Variants in HNRNPD observed in about 807,000 individuals in gnomAD.
The protein encoded by HNRNPD is heterogeneous nuclear ribonucleoprotein D.
In HNRNPD, 3 loss-of-function variants were observed where a neutral mutation model predicts 47.9. That is an observed-to-expected ratio of 0.06 (90% CI 0.03 to 0.16). The LOEUF (loss-of-function observed/expected upper bound fraction) is 0.16. Ranked by LOEUF, HNRNPD falls within the 10% of genes least tolerant of loss-of-function variation. HNRNPD has a pLI of 1.00. For missense variants in HNRNPD, 287 were observed against 454.2 expected (o/e 0.63, Z 3.35); for synonymous variants, 171 against 165.1 (o/e 1.04, Z -0.28).
chr4:82,367,026 CTTTTTTTTTTT>C, intron 2 of HNRNPD, among the ~76,000 whole-genome samples: 1 of 128,138 alleles, frequency 7.8e-6, no homozygotes, highest in South Asian at 2.5e-4. Context: ...ACACACTAGC[CTTTTTTTTTTT>C]TTTTTTTTTA....
rs975927182 is a variant in HNRNPD, at chr4:82,354,122, G to C, written c.*63C>G. ...CAGGTGGCAGGAGCCACCTTCAAAT[G>C]AATCTTCAAATTGGAAAATACTGCT... On this transcript the variant is annotated 3_prime_UTR_variant, in exon 9 of 9. Transcript: ENST00000313899. 1 of 152,624 alleles carries C rather than the reference G, an allele frequency of 6.6e-6. No individual in the cohort carries two copies. Among genetic ancestry groups the C allele is most frequent in the Non-Finnish European group, 1.5e-5 (1 of 68,040 alleles). The allele number at this position is 152,624 out of a possible 1,614,324, so 9.5% of individuals were successfully genotyped here. A position where few individuals can be genotyped will look rare whatever the true frequency, so the allele number is the denominator to read the frequency against.
chr4:82,357,554 G>T, intron 4 of HNRNPD, 110 bp from the exon 5 acceptor site: 1 of 868,926 alleles, frequency 1.2e-6, no homozygotes, highest in Non-Finnish European at 1.7e-6. Context: ...ATTTGGCACT[G>T]AAGTTCTAGT....
At chr4:82,359,448 G>C in intron 3 of HNRNPD, 23 bp downstream of exon 3, 5 of 1,454,030 alleles carry the variant, frequency 3.4e-6, no homozygotes, top group Non-Finnish European at 4.6e-6. Flanking sequence ...ATTATTAACT[G>C]ATCAGAACAC....
At chr4:82,373,401 G>A (rs577082693) in intron 1 of HNRNPD, 45 bp downstream of exon 1, 399 of 1,528,434 alleles carry the variant, frequency 2.6e-4, no homozygotes, top group Non-Finnish European at 3.2e-4. Context: ...AAGAGGGGGA[G>A]GGGGACTAGT....
intron 2 of HNRNPD, among the ~76,000 whole-genome samples, chr4:82,361,988 A>C (rs2109994173): frequency 6.6e-6 from 1 of 152,342 alleles, no homozygotes; most frequent in South Asian, 2.1e-4. Context: ...TAAGGAGCCA[A>C]GTATTATTCC....
At chr4:82,371,005 CT>C (rs1371691169) in intron 2 of HNRNPD, among the ~76,000 whole-genome samples, 20 of 151,754 alleles carry the variant, frequency 1.3e-4, no homozygotes, top group Admixed American at 2.6e-4. Flanking sequence ...CACACACACA[CT>C]TCTTATTAAA....
intron 2 of HNRNPD, among the ~76,000 whole-genome samples, chr4:82,368,128 T>C (rs1333852408): frequency 2.0e-5 from 3 of 152,184 alleles, no homozygotes; most frequent in Admixed American, 6.5e-5. Context: ...GGTACACAGC[T>C]TCCAAGTGGA....
intron 2 of HNRNPD, among the ~76,000 whole-genome samples, chr4:82,360,334 G>C (rs2109992626): frequency 6.6e-6 from 1 of 152,086 alleles, no homozygotes; most frequent in East Asian, 1.9e-4. Context: ...TGGGTGGTAA[G>C]CGGAAATCCA....
At chr4:82,361,049 A>C (rs944260140) in intron 2 of HNRNPD, among the ~76,000 whole-genome samples, 1 of 152,226 alleles carries the variant, frequency 6.6e-6, no homozygotes, top group African/African-American at 2.4e-5. Context: ...CCAGGCTTGA[A>C]GTAGCATTTA....
intron 2 of HNRNPD, among the ~76,000 whole-genome samples, chr4:82,370,981 T>TATACACACACACAC (rs142474751): frequency 0.013 from 1,928 of 149,414 alleles, 20 homozygotes; most frequent in Non-Finnish European, 0.022. Flanking sequence ...GGTATATATA[T>TATACACACACACAC]ACACACACAC....
chr4:82,372,590 T>C (rs1229685776), intron 1 of HNRNPD, among the ~76,000 whole-genome samples: 1 of 151,948 alleles, frequency 6.6e-6, no homozygotes, highest in African/African-American at 2.4e-5. Flanking sequence ...GTACTAACAG[T>C]TGGGGAACCC....
intron 4 of HNRNPD, chr4:82,357,731 A>T (rs1449756557): frequency 1.3e-5 from 3 of 234,472 alleles, no homozygotes; most frequent in Non-Finnish European, 2.5e-5. Context: ...AAAGAACAAG[A>T]AGAAAACAGT....
chr4:82,358,725 A>G lies in HNRNPD; in HGVS notation c.555T>C (p.Phe185=), dbSNP rs1223873703. Residue 185 remains phenylalanine, a synonymous_variant, in exon 4 of 9, where the codon TTT becomes TTC. Coordinates refer to ENST00000313899, the MANE Select transcript of HNRNPD (RefSeq NM_031370.3). ...GTGTATCTGGAGAAAGGCCACCAAC[A>G]AAAATTTTTTTAACCGGCTCTTTTG... is the stretch of plus-strand genomic sequence containing the variant. ...MKTKEPVKKI[F]VGGLSPDTPE... 1.9e-6 allele frequency: 3 copies of G among 1,612,546 alleles called. No individual in the cohort carries two copies.
intron 7 of HNRNPD, 187 bp downstream of exon 7, chr4:82,356,350 C>A: frequency 1.8e-6 from 1 of 557,768 alleles, no homozygotes. Flanking sequence ...TACACCCTAC[C>A]CTTATAATGT....
intron 2 of HNRNPD, among the ~76,000 whole-genome samples, chr4:82,370,487 A>C (rs3828538): frequency 0.17 from 25,635 of 152,078 alleles, 2,594 homozygotes; most frequent in Non-Finnish European, 0.23. Flanking sequence ...ACCACTCACC[A>C]AATACAGGGA....
intron 2 of HNRNPD, among the ~76,000 whole-genome samples, chr4:82,365,188 T>C (rs1053845036): frequency 6.6e-6 from 1 of 152,166 alleles, no homozygotes. Flanking sequence ...GCCAATCCTT[T>C]AACTTTTAAA....
intron 2 of HNRNPD, among the ~76,000 whole-genome samples, chr4:82,362,801 C>T (rs952050566): frequency 4.0e-5 from 6 of 151,846 alleles, no homozygotes; most frequent in African/African-American, 9.7e-5. Flanking sequence ...GGTTTCCCCT[C>T]GTTGGCCAGG....
chr4:82,369,988 C>T (rs113456734), intron 2 of HNRNPD, among the ~76,000 whole-genome samples: 93 of 152,158 alleles, frequency 6.1e-4, no homozygotes, highest in African/African-American at 1.7e-3. Flanking sequence ...ACTAAAAATA[C>T]AAAATTAGCC....
chr4:82,355,188 ATGGTAAGCACTTC>A, intron 8 of HNRNPD, 103 bp downstream of exon 8: 1 of 671,326 alleles, frequency 1.5e-6, no homozygotes, highest in East Asian at 2.7e-5. Flanking sequence ...ATGTTATAAT[ATGGTAAGCACTTC>A]TGGGTGCTGT....
Sources: allele counts gnomAD v4.1 joint callset (sites outside exome capture counted in the v4.1 genomes callset), GRCh38; gene constraint gnomAD v4.1.1; transcripts MANE v1.5; gene names NCBI Gene and HGNC (gene_info 2026-07-23, HGNC 2026-07-21).